Variants in LTBP1 observed in about 807,000 individuals in gnomAD.
The protein encoded by LTBP1 is latent transforming growth factor beta binding protein 1, also known as latent-transforming growth factor beta-binding protein 1.
A neutral mutation model predicts 207.6 loss-of-function variants in LTBP1; 129 were observed. The ratio of observed to expected loss-of-function variants is 0.62; its 90% CI spans 0.54 to 0.72. The LOEUF (loss-of-function observed/expected upper bound fraction) is 0.72, where lower values mean the gene tolerates loss of function less well. LTBP1 is among the 30% of genes least tolerant of loss of function. The pLI is 0.00. For missense variants in LTBP1, 2,281 were observed against 2,217.2 expected (o/e 1.03, Z -0.58); for synonymous variants, 963 against 833.7 (o/e 1.16, Z -2.67).
intron 3 of LTBP1, among the ~76,000 whole-genome samples, chr2:33,079,740 T>C (rs1248227256): frequency 6.6e-6 from 1 of 152,182 alleles, no homozygotes; most frequent in African/African-American, 2.4e-5. Context: ...TGGAGCCACC[T>C]GGGGCCATCA....
In LTBP1 at chr2:33,257,271, A is replaced by G. The variant is rs770425709; in HGVS notation, c.2168-13A>G. On this transcript the variant is annotated splice_polypyrimidine_tract_variant and intron_variant, in intron 11 of 33. Transcript: ENST00000404816. ...AGATTTTTAAAAGGAATATTTTCCC[A>G]TCCCAAATCTAGCTGCTTTTAAGGA... The G allele has an allele frequency of 1.1e-5, 17 of 1,602,606 alleles. No individual in the cohort carries two copies. The highest frequency in any genetic ancestry group is 8.3e-5 in the Admixed American group (5 of 59,912).
chr2:33,299,920 T>C (rs1347362209), intron 20 of LTBP1, among the ~76,000 whole-genome samples: 3 of 152,246 alleles, frequency 2.0e-5, no homozygotes, highest in African/African-American at 7.2e-5. Context: ...AATACTACCA[T>C]TTCTCTTGGC....
chr2:33,134,662 T>C lies in LTBP1; in HGVS notation c.1034-131T>C. The C allele has an allele frequency of 1.3e-6, 2 of 1,574,706 alleles. No individual in the cohort carries two copies. The highest frequency in any genetic ancestry group is 3.7e-5 in the Admixed American group (2 of 54,362). ...CCCTCTTTCCTTAAACCTGTCGGGT[T>C]GTGGGCTCTCTCTTTTCCCCTCTTG... On this transcript the variant is annotated intron_variant, in intron 4 of 33. Transcript: ENST00000404816. This position sits in a 1 kb window ranked among gnomAD's most constrained non-coding sequence, Gnocchi z 4.4.
At chr2:33,389,354 T>G (rs1370681835) in intron 32 of LTBP1, 48 bp downstream of exon 32, 1 of 1,609,312 alleles carries the variant, frequency 6.2e-7, no homozygotes, top group East Asian at 2.2e-5. Flanking sequence ...TGGTTGAAGA[T>G]TAATCAGTGG....
chr2:33,044,716 T>C (rs972893980), intron 3 of LTBP1, among the ~76,000 whole-genome samples: 1 of 152,240 alleles, frequency 6.6e-6, no homozygotes, highest in African/African-American at 2.4e-5. Context: ...TTAACTAATT[T>C]ACATTCCCAC....
chr2:33,318,713 G>A (rs979459588), intron 24 of LTBP1, among the ~76,000 whole-genome samples: 2 of 151,976 alleles, frequency 1.3e-5, no homozygotes, highest in Non-Finnish European at 2.9e-5. Flanking sequence ...TTCCTTTCAC[G>A]CTATAGCCAG....
chr2:33,030,511 C>G (rs756543231), intron 3 of LTBP1, among the ~76,000 whole-genome samples: 1 of 152,164 alleles, frequency 6.6e-6, no homozygotes, highest in African/African-American at 2.4e-5. Flanking sequence ...GCATTTCACA[C>G]CTTAATTGCT....
chr2:33,228,065 A>G (rs2091552755), intron 9 of LTBP1, among the ~76,000 whole-genome samples: 2 of 151,962 alleles, frequency 1.3e-5, no homozygotes, highest in Admixed American at 1.3e-4. Flanking sequence ...TCGGCCTCCC[A>G]AAGTGCTGGG....
At position 33,149,237 on chromosome 2, in the gene LTBP1, A is replaced by C. The variant is rs1019750136; in HGVS notation, c.1201+14277A>C. On this transcript the variant is annotated intron_variant, in intron 5 of 33. Coordinates refer to ENST00000404816, the MANE Select transcript of LTBP1 (RefSeq NM_206943.4). ...CTCACTCACAAAAAAACAAAAAAAA[A>C]AAAAAAAAAAAAAAAAAAGAGAGGG... Among the ~76,000 whole-genome samples, 116 of 142,894 alleles carry C rather than the reference A, an allele frequency of 8.1e-4. No individual in the cohort carries two copies. The East Asian group carries it at 0.01, about 12-fold the overall frequency. The allele number at this position is 142,894 out of a possible 152,430, so 93.7% of individuals were successfully genotyped here. A position where few individuals can be genotyped will look rare whatever the true frequency, so the allele number is the denominator to read the frequency against.
intron 31 of LTBP1, among the ~76,000 whole-genome samples, chr2:33,370,437 G>A (rs776968808): frequency 6.6e-6 from 1 of 152,174 alleles, no homozygotes; most frequent in Non-Finnish European, 1.5e-5. Context: ...TGCAAAAGAT[G>A]GGGCGGGGCG....
At chr2:33,172,977 C>A (rs2085617809) in intron 5 of LTBP1, among the ~76,000 whole-genome samples, 2 of 151,900 alleles carry the variant, frequency 1.3e-5, no homozygotes, top group South Asian at 2.1e-4. Context: ...ACACAACATA[C>A]CAGAATCTCT....
intron 3 of LTBP1, among the ~76,000 whole-genome samples, chr2:33,096,905 AAG>A (rs1171722045): frequency 6.6e-6 from 1 of 152,174 alleles, no homozygotes; most frequent in Non-Finnish European, 1.5e-5. Context: ...AAACTAAAAA[AAG>A]AGAAAGTGAT....
intron 3 of LTBP1, among the ~76,000 whole-genome samples, chr2:33,098,459 AGTCTC>A (rs2079519047): frequency 5.3e-5 from 8 of 152,108 alleles, no homozygotes; most frequent in Admixed American, 5.2e-4. Context: ...TCTGAGACAG[AGTCTC>A]ACTCTGTTGC....
intron 5 of LTBP1, among the ~76,000 whole-genome samples, chr2:33,141,118 C>G (rs1050648093): frequency 6.6e-6 from 1 of 152,212 alleles, no homozygotes; most frequent in African/African-American, 2.4e-5. Flanking sequence ...CCTTGCCCTC[C>G]TCCGGCATTA....
chr2:32,974,790 A>G (rs528256474), intron 2 of LTBP1, among the ~76,000 whole-genome samples: 22 of 152,288 alleles, frequency 1.4e-4, no homozygotes, highest in African/African-American at 4.1e-4. Context: ...ATGGGTAGGT[A>G]TCTTGAAGAC....
At chr2:33,226,016 T>C (rs1345186852) in intron 9 of LTBP1, among the ~76,000 whole-genome samples, 1 of 152,248 alleles carries the variant, frequency 6.6e-6, no homozygotes, top group East Asian at 1.9e-4. Context: ...ATATCTTGGC[T>C]ATTATGACTG....
chr2:32,993,303 T>C (rs1051243388), intron 2 of LTBP1, among the ~76,000 whole-genome samples: 1 of 151,908 alleles, frequency 6.6e-6, no homozygotes, highest in African/African-American at 2.4e-5. Flanking sequence ...TCAAGAGACA[T>C]GGGGAAGGGA....
chr2:32,958,529 C>A (rs1313673651), intron 2 of LTBP1, among the ~76,000 whole-genome samples: 1 of 152,124 alleles, frequency 6.6e-6, no homozygotes, highest in African/African-American at 2.4e-5. Flanking sequence ...GGCATCTGTC[C>A]CTTCATCAGC....
At chr2:33,141,260 A>G (rs938888632) in intron 5 of LTBP1, among the ~76,000 whole-genome samples, 1 of 152,232 alleles carries the variant, frequency 6.6e-6, no homozygotes, top group Non-Finnish European at 1.5e-5. Flanking sequence ...AAGAGAAAGT[A>G]GAATGGTGGT....
Sources: allele counts gnomAD v4.1 joint callset (sites outside exome capture counted in the v4.1 genomes callset), GRCh38; gene constraint gnomAD v4.1.1; non-coding constraint Gnocchi (gnomAD v3.1); transcripts MANE v1.5; gene names NCBI Gene and HGNC (gene_info 2026-07-23, HGNC 2026-07-21).